The following GPR176 variants were observed in gnomAD, a reference collection of about 807,000 sequenced individuals.
GPR176 encodes G-protein coupled receptor 176.
A neutral mutation model predicts 35.4 loss-of-function variants in GPR176; 26 were observed. The observed-to-expected ratio is 0.74, with a 90% confidence interval of 0.54 to 1.02. The LOEUF is 1.02. GPR176 is among the 50% of genes least tolerant of loss of function. GPR176 has a pLI of 0.00. For missense variants in GPR176, 597 were observed against 665.3 expected (o/e 0.90, Z 1.13); for synonymous variants, 278 against 271.3 (o/e 1.02, Z -0.24).
chr15:39,894,232 C>T (rs2033005860), intron 1 of GPR176, among the ~76,000 whole-genome samples: 1 of 138,258 alleles, frequency 7.2e-6, no homozygotes. Context: ...CCCTCACCTC[C>T]CGGACGGGGC....
chr15:39,801,659 G>A lies in GPR176; in HGVS notation c.1021C>T (p.Arg341Trp), dbSNP rs567029608. The part of the protein sequence containing the change: ...LIGTLVQLHH[R>W]YSRRNVVSTG... ...CTGACCACATTACGGCGACTGTACC[G>A]GTGGTGTAGTTGCACCAGGGTCCCT... Residue 341 changes from arginine (R) to tryptophan (W), a missense_variant, in exon 3 of 3, where the codon CGG becomes TGG. Coordinates refer to ENST00000561100, the MANE Select transcript of GPR176 (RefSeq NM_007223.3). 8.7e-6 allele frequency: 14 copies of A among 1,613,634 alleles called. No homozygotes were observed. Among genetic ancestry groups the A allele is most frequent in the Admixed American group, 1.7e-5 (1 of 60,028 alleles).
intron 1 of GPR176, among the ~76,000 whole-genome samples, chr15:39,838,109 T>C (rs1373645687): frequency 6.6e-6 from 1 of 152,116 alleles, no homozygotes; most frequent in African/African-American, 2.4e-5. Context: ...ATAGATGCAT[T>C]AAGTTTCTGC....
chr15:39,842,988 T>G (rs776151212), intron 1 of GPR176, among the ~76,000 whole-genome samples: 2 of 151,492 alleles, frequency 1.3e-5, no homozygotes, highest in African/African-American at 4.9e-5. Flanking sequence ...GGAATCATAC[T>G]CAAAGAGAAG....
intron 1 of GPR176, among the ~76,000 whole-genome samples, chr15:39,866,107 T>C (rs1489400840): frequency 6.6e-6 from 1 of 152,100 alleles, no homozygotes; most frequent in African/African-American, 2.4e-5. Context: ...GAAAAGAATA[T>C]ATGGTATGCT....
intron 1 of GPR176, among the ~76,000 whole-genome samples, chr15:39,900,888 G>T (rs1400856987): frequency 2.0e-5 from 3 of 152,188 alleles, no homozygotes; most frequent in Non-Finnish European, 4.4e-5. Context: ...TAGAAAAAAA[G>T]AAAGCTTCAG....
At chr15:39,873,304 C>A (rs1270094502) in intron 1 of GPR176, among the ~76,000 whole-genome samples, 1 of 152,068 alleles carries the variant, frequency 6.6e-6, no homozygotes, top group African/African-American at 2.4e-5. Flanking sequence ...GACTCCAAAG[C>A]CCAAATTTTT....
intron 1 of GPR176, among the ~76,000 whole-genome samples, chr15:39,887,148 A>G (rs935504045): frequency 3.3e-5 from 5 of 152,190 alleles, no homozygotes; most frequent in African/African-American, 1.2e-4. Flanking sequence ...CCAGAAATGA[A>G]TATTTTTAAC....
intron 1 of GPR176, among the ~76,000 whole-genome samples, chr15:39,827,214 G>A (rs750405868): frequency 1.3e-5 from 2 of 152,208 alleles, no homozygotes; most frequent in Non-Finnish European, 2.9e-5. Context: ...ATGCAGTTGA[G>A]CTTCATGCCC....
chr15:39,845,327 T>A (rs1177770075), intron 1 of GPR176, among the ~76,000 whole-genome samples: 1 of 152,002 alleles, frequency 6.6e-6, no homozygotes, highest in African/African-American at 2.4e-5. Flanking sequence ...AGCAACTAAG[T>A]GTTCCATTTA....
At chr15:39,809,538 A>G (rs1016903882) in intron 1 of GPR176, among the ~76,000 whole-genome samples, 1 of 152,196 alleles carries the variant, frequency 6.6e-6, no homozygotes, top group Non-Finnish European at 1.5e-5. Context: ...TTAAGTAACA[A>G]AATTTTCAAC....
chr15:39,891,618 T>A (rs547058623), intron 1 of GPR176, among the ~76,000 whole-genome samples: 2 of 152,186 alleles, frequency 1.3e-5, no homozygotes, highest in Non-Finnish European at 1.5e-5. Context: ...ATTACAAGCA[T>A]GTGCCACCAT....
Position 39,854,532 on chromosome 15 carries a change from C to T in GPR176, c.173-47274G>A, listed in dbSNP as rs116133366. 9.5e-3 allele frequency among the ~76,000 whole-genome samples: 1,448 copies of T among 152,228 alleles called. 21 individuals are homozygous for T. The highest frequency in any genetic ancestry group is 0.034 in the African/African-American group (1,401 of 41,516). On this transcript the variant is annotated intron_variant, in intron 1 of 2. Coordinates refer to ENST00000561100, the MANE Select transcript of GPR176 (RefSeq NM_007223.3). ...ATTTGTGCTCACTCTATCTTGTTCC[C>T]TGACATAGTCTTAGTTTCTCTTTAC...
chr15:39,919,787 T>G, intron 1 of GPR176, 68 bp downstream of exon 1: 1 of 1,272,334 alleles, frequency 7.9e-7, no homozygotes, highest in Non-Finnish European at 1.0e-6. Context: ...TGGGCGGCCC[T>G]GCTCCCGGCT....
intron 1 of GPR176, among the ~76,000 whole-genome samples, chr15:39,858,610 A>C (rs751672523): frequency 5.3e-5 from 8 of 152,160 alleles, no homozygotes; most frequent in Non-Finnish European, 8.8e-5. Flanking sequence ...CTACTTGGGA[A>C]GCTGAAGAGG....
rs191797504 is a variant in GPR176, at chr15:39,812,977, T to G, written c.173-5719A>C. On this transcript the variant is annotated intron_variant, in intron 1 of 2. Transcript: ENST00000561100. Reference sequence around the variant, plus strand: ...CTCGAACTCCTGGGCTTAAGTGATCTGCCTGCCTCAGCCTCCCAAAATGCT... The same window carrying G: ...CTCGAACTCCTGGGCTTAAGTGATCGGCCTGCCTCAGCCTCCCAAAATGCT... Among the ~76,000 whole-genome samples the G allele has an allele frequency of 5.3e-5, 8 of 152,164 alleles. No homozygotes were observed. In the East Asian group the frequency reaches 1.5e-3, roughly 29 times the overall value.
chr15:39,885,847 G>C (rs2032655323), intron 1 of GPR176, among the ~76,000 whole-genome samples: 1 of 152,228 alleles, frequency 6.6e-6, no homozygotes, highest in Non-Finnish European at 1.5e-5. Context: ...GAAGACAAGA[G>C]AAAGACAGTT....
At chr15:39,832,431 T>G (rs991087288) in intron 1 of GPR176, among the ~76,000 whole-genome samples, 1 of 152,132 alleles carries the variant, frequency 6.6e-6, no homozygotes, top group Non-Finnish European at 1.5e-5. Context: ...TATATTACAG[T>G]TCTGGTGGTC....
intron 1 of GPR176, 139 bp downstream of exon 1, chr15:39,919,716 G>C: frequency 1.8e-6 from 1 of 564,244 alleles, no homozygotes; most frequent in Non-Finnish European, 2.8e-6. Flanking sequence ...GCAGCTACCC[G>C]GGATCCTTAA....
intron 1 of GPR176, chr15:39,813,233 A>C (rs1484683520): frequency 6.6e-6 from 1 of 152,174 alleles, no homozygotes; most frequent in Non-Finnish European, 1.5e-5. Flanking sequence ...AGTTACCTCC[A>C]TTTCAATCAT....
Sources: gnomAD v4.1 joint callset for allele counts (sites outside exome capture counted in the v4.1 genomes callset) on GRCh38, gnomAD v4.1.1 for gene constraint, MANE v1.5 for transcripts, NCBI Gene and HGNC (gene_info 2026-07-23, HGNC 2026-07-21) for gene names.